DAB1: variants seen among roughly 807,000 people sequenced by gnomAD.
The protein encoded by DAB1 is disabled homolog 1.
DAB1 carries 15 observed loss-of-function variants against 64.6 expected under a neutral mutation model. The observed-to-expected ratio is 0.23, with a 90% CI of 0.16 to 0.36. The LOEUF is 0.36. Among genes scored for constraint, DAB1 ranks in the 10% least tolerant of loss-of-function variants. DAB1 has a pLI of 1.00. For missense variants in DAB1, 596 were observed against 706.7 expected, an observed-to-expected ratio of 0.84 and a Z score of 1.78; for synonymous variants, 235 against 251.9, an observed-to-expected ratio of 0.93 and a Z score of 0.64.
At chr1:57,137,885 T>A (rs1175388362) in intron 3 of DAB1, among the ~76,000 whole-genome samples, 1 of 152,150 alleles carries the variant, frequency 6.6e-6, no homozygotes, top group Non-Finnish European at 1.5e-5. Context: ...ACCTTGGGTA[T>A]TGGAAATATT....
intron 2 of DAB1, among the ~76,000 whole-genome samples, chr1:57,179,491 G>A (rs7542527): frequency 0.082 from 12,498 of 152,198 alleles, 1,050 homozygotes; most frequent in African/African-American, 0.21. Flanking sequence ...ATAACCCAAT[G>A]AGAATTTATG....
At chr1:58,422,853 C>CCAGCAGAAG (rs1268467538) in intron 3 of DAB1, among the ~76,000 whole-genome samples, 3 of 152,114 alleles carry the variant, frequency 2.0e-5, no homozygotes, top group Admixed American at 2.0e-4. Flanking sequence ...ACTATGGTTT[C>CCAGCAGAAG]CAGCAGAAGC....
chr1:58,224,385 C>T (rs539639114), intron 4 of DAB1, among the ~76,000 whole-genome samples: 1 of 152,286 alleles, frequency 6.6e-6, no homozygotes, highest in African/African-American at 2.4e-5. Flanking sequence ...AGGAACAGCA[C>T]TTTTTTGGCA....
At chr1:58,428,539 A>G (rs1411402377) in intron 3 of DAB1, among the ~76,000 whole-genome samples, 1 of 152,256 alleles carries the variant, frequency 6.6e-6, no homozygotes, top group Non-Finnish European at 1.5e-5. Context: ...TTGGATCCCA[A>G]TTCAAACCAT....
intron 7 of DAB1, among the ~76,000 whole-genome samples, chr1:57,568,390 C>A (rs1645149576): frequency 6.6e-6 from 1 of 152,102 alleles, no homozygotes; most frequent in Non-Finnish European, 1.5e-5. Flanking sequence ...TCTAAAACAC[C>A]AAAAGCAATG....
chr1:58,503,461 C>T (rs6587818), intron 3 of DAB1, among the ~76,000 whole-genome samples: 47,275 of 151,796 alleles, frequency 0.31, 7,783 homozygotes, highest in African/African-American at 0.42. Context: ...ATTAAGAATA[C>T]AAATGAAATC....
intron 4 of DAB1, among the ~76,000 whole-genome samples, chr1:58,284,941 T>C (rs1411331273): frequency 6.6e-6 from 1 of 152,234 alleles, no homozygotes; most frequent in African/African-American, 2.4e-5. Context: ...ATTTACTACA[T>C]ATGTTGAAAT....
Position 57,033,244 on chromosome 1 carries a change from C to T in DAB1, c.724-7201G>A, listed in dbSNP as rs999268650. 10 of 856,276 alleles carry T rather than the reference C, an allele frequency of 1.2e-5. No homozygotes were observed. The Admixed American group carries it at 1.3e-4, about 11-fold the overall frequency. 53.0% of individuals were successfully genotyped at this position (856,276 alleles called of 1,614,324 possible). On this transcript the variant is annotated intron_variant, in intron 9 of 14. Transcript: ENST00000371236. Reference sequence around the variant, plus strand: ...CCTCATGGCAGGGCCCACCAATAGTCTTCCTGGGGACATTTGAATAGGTAC... The same window carrying T: ...CCTCATGGCAGGGCCCACCAATAGTTTTCCTGGGGACATTTGAATAGGTAC...
At chr1:57,945,457 T>TA (rs58300982) in intron 5 of DAB1, among the ~76,000 whole-genome samples, 1 of 142,514 alleles carries the variant, frequency 7.0e-6, no homozygotes, top group African/African-American at 2.8e-5. Context: ...TTATTATTAT[T>TA]TTGGCAGAGA....
intron 1 of DAB1, among the ~76,000 whole-genome samples, chr1:57,866,651 T>C (rs1309362072): frequency 6.6e-6 from 1 of 152,164 alleles, no homozygotes; most frequent in Non-Finnish European, 1.5e-5. Flanking sequence ...ATGGGGATGA[T>C]TCGGGCATGC....
chr1:57,393,606 A>G (rs516918), intron 1 of DAB1, among the ~76,000 whole-genome samples: 62,409 of 151,958 alleles, frequency 0.41, 13,398 homozygotes, highest in African/African-American at 0.47. Flanking sequence ...AAGTAGAGGC[A>G]GCAGTGAGCC....
At chr1:58,451,596 T>A (rs1645137035) in intron 3 of DAB1, among the ~76,000 whole-genome samples, 1 of 152,194 alleles carries the variant, frequency 6.6e-6, no homozygotes, top group Non-Finnish European at 1.5e-5. Flanking sequence ...GAAGGATACA[T>A]GAGAACGCCC....
intron 2 of DAB1, among the ~76,000 whole-genome samples, chr1:57,259,509 G>T (rs1354692655): frequency 6.6e-6 from 1 of 152,114 alleles, no homozygotes; most frequent in Non-Finnish European, 1.5e-5. Flanking sequence ...CCAAGACTGG[G>T]TGAACCACAT....
At chr1:57,792,194 G>T (rs545051819) in intron 6 of DAB1, among the ~76,000 whole-genome samples, 1 of 152,192 alleles carries the variant, frequency 6.6e-6, no homozygotes, top group African/African-American at 2.4e-5. Context: ...TTACCAATTT[G>T]GTTTTGTCTC....
intron 2 of DAB1, among the ~76,000 whole-genome samples, chr1:58,527,068 G>C (rs1400022953): frequency 1.3e-5 from 2 of 152,014 alleles, no homozygotes; most frequent in African/African-American, 4.8e-5. Context: ...ATATAGAAGG[G>C]AATTGAGACT....
chr1:58,509,978 G>A (rs149034841), intron 2 of DAB1, among the ~76,000 whole-genome samples: 126 of 152,148 alleles, frequency 8.3e-4, no homozygotes, highest in African/African-American at 2.9e-3. Context: ...TAACTAATGA[G>A]ATTGAGTCAA....
chr1:57,904,603 T>C (rs1041984232), intron 5 of DAB1, among the ~76,000 whole-genome samples: 3 of 152,176 alleles, frequency 2.0e-5, no homozygotes, highest in Admixed American at 1.3e-4. Context: ...GGGGGCCTTT[T>C]GGAGCAGGAG....
chr1:57,471,983 A>T (rs988013918), intron 7 of DAB1, among the ~76,000 whole-genome samples: 10 of 152,208 alleles, frequency 6.6e-5, no homozygotes, highest in East Asian at 1.9e-4. Flanking sequence ...CAGAAGAGAA[A>T]ATCTAGGATT....
At chr1:57,158,736 A>G (rs1030183262) in intron 2 of DAB1, among the ~76,000 whole-genome samples, 2 of 152,030 alleles carry the variant, frequency 1.3e-5, no homozygotes, top group Non-Finnish European at 2.9e-5. Context: ...CTGGGTAGTG[A>G]GCAGAACAAG....
Sources: gnomAD v4.1 joint callset for allele counts (sites outside exome capture counted in the v4.1 genomes callset) on GRCh38, gnomAD v4.1.1 for gene constraint, MANE v1.5 for transcripts, NCBI Gene and HGNC (gene_info 2026-07-23, HGNC 2026-07-21) for gene names.